GPC5: variants seen among roughly 807,000 people sequenced by gnomAD.
GPC5 encodes glypican-5.
In GPC5, 47 loss-of-function variants were observed where a neutral mutation model predicts 53.9. The observed-to-expected ratio is 0.87, with a 90% CI of 0.69 to 1.11. GPC5 has a LOEUF of 1.11. GPC5 is among the 50% of genes most tolerant of loss of function. The pLI, the probability that GPC5 is intolerant of heterozygous loss-of-function variation, is 0.00. For missense variants in GPC5, 748 were observed against 713.1 expected (o/e 1.05, Z -0.56); for synonymous variants, 286 against 263.3 (o/e 1.09, Z -0.84).
At chr13:91,612,366 G>A (rs191339546) in intron 2 of GPC5, among the ~76,000 whole-genome samples, 53 of 152,246 alleles carry the variant, frequency 3.5e-4, no homozygotes, top group Non-Finnish European at 7.4e-4. Context: ...GCAGTAAGAC[G>A]CATCCAAAAG....
intron 7 of GPC5, among the ~76,000 whole-genome samples, chr13:92,160,987 T>G (rs1360252752): frequency 6.6e-6 from 1 of 152,150 alleles, no homozygotes; most frequent in Non-Finnish European, 1.5e-5. Flanking sequence ...ATGGTTCTAT[T>G]TCTGCACCCA....
intron 7 of GPC5, among the ~76,000 whole-genome samples, chr13:92,209,516 A>G (rs1299391490): frequency 6.6e-6 from 1 of 152,190 alleles, no homozygotes; most frequent in Admixed American, 6.5e-5. Flanking sequence ...CTGCAAAAGC[A>G]TATAAAGAAT....
chr13:91,623,792 A>G (rs1257326328), intron 2 of GPC5, among the ~76,000 whole-genome samples: 1 of 152,244 alleles, frequency 6.6e-6, no homozygotes, highest in African/African-American at 2.4e-5. Context: ...AGTTGATAAT[A>G]GAGAGCAGAT....
intron 6 of GPC5, among the ~76,000 whole-genome samples, chr13:92,060,361 A>C (rs913073734): frequency 3.3e-5 from 5 of 152,078 alleles, no homozygotes; most frequent in Admixed American, 1.3e-4. Flanking sequence ...TTATCCAAAA[A>C]TTATTTCATT....
Position 92,371,094 on chromosome 13 carries a change from G to A in GPC5, c.1561+226105G>A, listed in dbSNP as rs1270897260. 8.5e-5 allele frequency among the ~76,000 whole-genome samples: 13 copies of A among 152,300 alleles called. No homozygotes were observed. In the East Asian group the frequency reaches 2.3e-3, roughly 27 times the overall value. On this transcript the variant is annotated intron_variant, in intron 7 of 7. Transcript: ENST00000377067. Reference sequence around the variant, plus strand: ...GAACCCAGGAGGCGGAAGTTGCAGTGAGCTGAGATCATGCCACTGTACTCC... The same window carrying A: ...GAACCCAGGAGGCGGAAGTTGCAGTAAGCTGAGATCATGCCACTGTACTCC...
At chr13:92,602,251 T>A (rs1275811516) in intron 7 of GPC5, among the ~76,000 whole-genome samples, 1 of 140,068 alleles carries the variant, frequency 7.1e-6, no homozygotes, top group Non-Finnish European at 1.5e-5. Context: ...TATATATATA[T>A]ATATATATAT....
rs138671787 is a variant in GPC5, at chr13:92,207,915, C to T, written c.1561+62926C>T. On this transcript the variant is annotated intron_variant, in intron 7 of 7. Coordinates refer to ENST00000377067, the MANE Select transcript of GPC5 (RefSeq NM_004466.6). ...GAATAAATGCCTATTCCTGTTAGGA[C>T]CAATTTGTAGCTCCCAAGGGCTATT... is the stretch of plus-strand genomic sequence containing the variant. 4.1e-4 allele frequency among the ~76,000 whole-genome samples: 63 copies of T among 152,298 alleles called. No individual in the cohort carries two copies. The East Asian group carries it at 8.5e-3, about 21-fold the overall frequency.
At chr13:91,449,391 G>T (rs1489485997) in intron 2 of GPC5, among the ~76,000 whole-genome samples, 1 of 151,956 alleles carries the variant, frequency 6.6e-6, no homozygotes, top group African/African-American at 2.4e-5. Flanking sequence ...TACATGTGCA[G>T]AACATGCAGG....
chr13:91,950,200 G>A (rs79976486), intron 6 of GPC5, among the ~76,000 whole-genome samples: 3,188 of 150,236 alleles, frequency 0.021, 98 homozygotes, highest in African/African-American at 0.074. Context: ...CACCATTCAT[G>A]CTCTAACCTT....
At chr13:92,839,571 G>A (rs1878349599) in intron 7 of GPC5, among the ~76,000 whole-genome samples, 1 of 152,040 alleles carries the variant, frequency 6.6e-6, no homozygotes, top group African/African-American at 2.4e-5. Context: ...TTCTGTTCCT[G>A]TGTTAGTTTG....
At chr13:91,639,996 A>G (rs1315747751) in intron 2 of GPC5, among the ~76,000 whole-genome samples, 1 of 152,040 alleles carries the variant, frequency 6.6e-6, no homozygotes, top group African/African-American at 2.4e-5. Context: ...CTGTGTTGCT[A>G]TATTTTGGTT....
intron 7 of GPC5, among the ~76,000 whole-genome samples, chr13:92,644,400 G>A (rs1228048391): frequency 6.6e-6 from 1 of 152,130 alleles, no homozygotes; most frequent in Admixed American, 6.5e-5. Flanking sequence ...AAACAAATTA[G>A]AGTATATTTG....
At chr13:92,603,043 C>T (rs568942837) in intron 7 of GPC5, among the ~76,000 whole-genome samples, 1 of 152,306 alleles carries the variant, frequency 6.6e-6, no homozygotes, top group South Asian at 2.1e-4. Flanking sequence ...AGCCTATGTA[C>T]ATAGTGTCTA....
intron 7 of GPC5, among the ~76,000 whole-genome samples, chr13:92,777,500 C>T (rs186708079): frequency 1.7e-3 from 256 of 151,846 alleles, no homozygotes; most frequent in Non-Finnish European, 2.9e-3. Context: ...GGGTGGCACC[C>T]GCCTGTATTC....
chr13:91,913,055 G>A (rs1419964671), intron 6 of GPC5, among the ~76,000 whole-genome samples: 1 of 152,046 alleles, frequency 6.6e-6, no homozygotes, highest in Non-Finnish European at 1.5e-5. Flanking sequence ...GTGTCACCTG[G>A]GAGTACTCCA....
chr13:92,381,858 A>G (rs925445913), intron 7 of GPC5, among the ~76,000 whole-genome samples: 1 of 120,842 alleles, frequency 8.3e-6, no homozygotes, highest in East Asian at 2.2e-4. Flanking sequence ...ATCATATATG[A>G]TTATATATAT....
intron 5 of GPC5, among the ~76,000 whole-genome samples, chr13:91,758,826 A>T (rs1482039072): frequency 1.3e-5 from 2 of 152,046 alleles, no homozygotes; most frequent in Non-Finnish European, 2.9e-5. Flanking sequence ...AACAAGCTTC[A>T]CTGTGTCTTT....
chr13:91,655,959 CAG>C (rs1283919752), intron 2 of GPC5, among the ~76,000 whole-genome samples: 1 of 152,086 alleles, frequency 6.6e-6, no homozygotes, highest in African/African-American at 2.4e-5. Flanking sequence ...CCTGAATAAA[CAG>C]AAGTCACAAC....
At chr13:91,888,051 A>G (rs1256631638) in intron 5 of GPC5, among the ~76,000 whole-genome samples, 1 of 152,198 alleles carries the variant, frequency 6.6e-6, no homozygotes, top group Non-Finnish European at 1.5e-5. Flanking sequence ...ACTGCTATGA[A>G]GAAATATGCG....
Sources: gnomAD v4.1 joint callset for allele counts (sites outside exome capture counted in the v4.1 genomes callset) on GRCh38, gnomAD v4.1.1 for gene constraint, MANE v1.5 for transcripts, NCBI Gene and HGNC (gene_info 2026-07-23, HGNC 2026-07-21) for gene names.